The following CTNNA2 variants were observed in gnomAD, a reference collection of about 807,000 sequenced individuals.
The protein encoded by CTNNA2 is catenin alpha-2.
CTNNA2 carries 42 observed loss-of-function variants against 101.0 expected under a neutral mutation model. That is an observed-to-expected ratio of 0.42 (90% CI 0.32 to 0.54). CTNNA2 has a LOEUF of 0.54. CTNNA2 is among the 20% of genes least tolerant of loss of function. CTNNA2 has a pLI of 0.14. For synonymous variants in CTNNA2, 450 were observed against 456.4 expected (o/e 0.99, Z 0.18); for missense variants, 871 against 1,223.1 (o/e 0.71, Z 4.29).
chr2:80,170,090 C>T (rs1704948178), intron 7 of CTNNA2, among the ~76,000 whole-genome samples: 1 of 152,068 alleles, frequency 6.6e-6, no homozygotes, highest in Non-Finnish European at 1.5e-5. Context: ...AATAACAATT[C>T]TCCTCTACCC....
At chr2:79,345,551 G>C (rs1410420491) in intron 3 of CTNNA2, among the ~76,000 whole-genome samples, 1 of 152,138 alleles carries the variant, frequency 6.6e-6, no homozygotes, top group Non-Finnish European at 1.5e-5. Flanking sequence ...CTACTCTTCT[G>C]AAATCCTGTT....
At chr2:80,309,435 T>A in intron 7 of CTNNA2, among the ~76,000 whole-genome samples, 1 of 152,130 alleles carries the variant, frequency 6.6e-6, no homozygotes, top group East Asian at 1.9e-4. Flanking sequence ...TTTATATGAG[T>A]GTGGCAATAA....
intron 1 of CTNNA2, among the ~76,000 whole-genome samples, chr2:79,564,033 G>C (rs1353127308): frequency 6.6e-6 from 1 of 152,088 alleles, no homozygotes; most frequent in Admixed American, 6.6e-5. Flanking sequence ...GATGGCACAA[G>C]AAGCATTCCT....
chr2:80,223,971 T>C (rs1327040668), intron 7 of CTNNA2, among the ~76,000 whole-genome samples: 5 of 152,156 alleles, frequency 3.3e-5, no homozygotes, highest in Non-Finnish European at 7.3e-5. Flanking sequence ...AAGAAAGAAA[T>C]CTGCCAGTGC....
intron 7 of CTNNA2, among the ~76,000 whole-genome samples, chr2:80,289,599 T>C (rs753636755): frequency 7.9e-5 from 12 of 152,166 alleles, no homozygotes; most frequent in Non-Finnish European, 1.6e-4. Context: ...CTAATGCTGA[T>C]TGAGAATCTA....
intron 3 of CTNNA2, among the ~76,000 whole-genome samples, chr2:79,318,325 G>A (rs1284096759): frequency 6.6e-6 from 1 of 151,674 alleles, no homozygotes; most frequent in African/African-American, 2.4e-5. Context: ...CAGTCACAAA[G>A]GTGAAAACAG....
intron 9 of CTNNA2, among the ~76,000 whole-genome samples, chr2:80,450,051 T>C (rs775130880): frequency 2.0e-5 from 3 of 152,206 alleles, no homozygotes; most frequent in African/African-American, 2.4e-5. Flanking sequence ...AATGCAAAGC[T>C]ATGATGTTAG....
intron 3 of CTNNA2, among the ~76,000 whole-genome samples, chr2:79,323,989 G>A (rs553744009): frequency 6.6e-6 from 1 of 152,302 alleles, no homozygotes; most frequent in South Asian, 2.1e-4. Flanking sequence ...CTTCAACAGT[G>A]TGTACCTGAA....
chr2:80,573,241 CA>C (rs1317323304), intron 12 of CTNNA2: 1 of 152,194 alleles, frequency 6.6e-6, no homozygotes, highest in East Asian at 1.9e-4. Context: ...TTTTGAGAAT[CA>C]GTGAATCAGC....
Position 79,583,956 on chromosome 2 carries a change from T to A in CTNNA2, c.-5-67596T>A, listed in dbSNP as rs1479203539. ...ATTCATTATTCCCATAAACTGGAAATACGCTTGTAACACTTGGTTATATTT... is the reference window on the plus strand; with the variant it reads ...ATTCATTATTCCCATAAACTGGAAAAACGCTTGTAACACTTGGTTATATTT... On this transcript the variant is annotated intron_variant, in intron 1 of 18. Transcript: ENST00000402739. Among the ~76,000 whole-genome samples, 3 of 152,174 alleles carry A rather than the reference T, an allele frequency of 2.0e-5. No homozygotes were observed. In the South Asian group the frequency reaches 6.2e-4, roughly 32 times the overall value.
At chr2:79,321,515 G>T (rs1483731389) in intron 3 of CTNNA2, among the ~76,000 whole-genome samples, 1 of 152,202 alleles carries the variant, frequency 6.6e-6, no homozygotes, top group East Asian at 1.9e-4. Context: ...TAAGCTGGCT[G>T]CTAAGAATTG....
At position 79,671,028 on chromosome 2, in the gene CTNNA2, A is replaced by G. The variant is rs186989430; in HGVS notation, c.102+19370A>G. ...AATCTTTCTTCCTCACACCTCTAAGAAGCAAGAATGCGACTGTTAACTGCC... is the reference window on the plus strand; with the variant it reads ...AATCTTTCTTCCTCACACCTCTAAGGAGCAAGAATGCGACTGTTAACTGCC... On this transcript the variant is annotated intron_variant, in intron 2 of 18. Transcript: ENST00000402739. Among the ~76,000 whole-genome samples the G allele has an allele frequency of 6.6e-5, 10 of 152,332 alleles. No individual in the cohort carries two copies. In the East Asian group the frequency reaches 1.9e-3, roughly 29 times the overall value.
chr2:79,214,964 G>A (rs542691176), intron 2 of CTNNA2, among the ~76,000 whole-genome samples: 2 of 150,998 alleles, frequency 1.3e-5, no homozygotes, highest in South Asian at 2.1e-4. Context: ...GGAGTGGGTA[G>A]CCTCCGTATT....
At chr2:79,636,269 CAAAAAAAAAAAAAAAAA>C (rs57739991) in intron 1 of CTNNA2, among the ~76,000 whole-genome samples, 2 of 67,258 alleles carry the variant, frequency 3.0e-5, no homozygotes, top group Non-Finnish European at 6.3e-5. Context: ...GACTCTGTCT[CAAAAAAAAAAAAAAAAA>C]AAAAAAAAAA....
At chr2:79,845,089 A>G (rs1680128625) in intron 3 of CTNNA2, among the ~76,000 whole-genome samples, 1 of 150,562 alleles carries the variant, frequency 6.6e-6, no homozygotes, top group Non-Finnish European at 1.5e-5. Context: ...GTGTATATAT[A>G]TATATATGCA....
chr2:80,096,310 G>A (rs532042545), intron 7 of CTNNA2, among the ~76,000 whole-genome samples: 7 of 152,226 alleles, frequency 4.6e-5, no homozygotes, highest in South Asian at 2.1e-4. Flanking sequence ...GTAGTTGAGC[G>A]GTTTTGACTG....
At chr2:80,363,886 AT>A (rs1445314296) in intron 7 of CTNNA2, among the ~76,000 whole-genome samples, 1 of 152,160 alleles carries the variant, frequency 6.6e-6, no homozygotes, top group East Asian at 1.9e-4. Context: ...AATACCATTA[AT>A]TAAGTGTCTG....
intron 7 of CTNNA2, among the ~76,000 whole-genome samples, chr2:80,209,205 CTT>C (rs11302431): frequency 1.4e-5 from 2 of 141,858 alleles, no homozygotes; most frequent in Admixed American, 7.0e-5. Flanking sequence ...TTTTTTAATT[CTT>C]TTTTTTTTTT....
chr2:79,928,048 C>T (rs1159104002), intron 7 of CTNNA2, among the ~76,000 whole-genome samples: 1 of 152,054 alleles, frequency 6.6e-6, no homozygotes, highest in African/African-American at 2.4e-5. Flanking sequence ...CTCATGTTTA[C>T]GTTGGGTTTG....
Sources: allele counts gnomAD v4.1 joint callset (sites outside exome capture counted in the v4.1 genomes callset), GRCh38; gene constraint gnomAD v4.1.1; transcripts MANE v1.5; gene names NCBI Gene and HGNC (gene_info 2026-07-23, HGNC 2026-07-21).